The following RBFOX1 variants were observed in gnomAD, a reference collection of about 807,000 sequenced individuals.
The protein encoded by RBFOX1 is RNA binding fox-1 homolog 1.
In RBFOX1, 8 loss-of-function variants were observed where a neutral mutation model predicts 57.7. The observed-to-expected ratio is 0.14, with a 90% CI of 0.08 to 0.25. The LOEUF (loss-of-function observed/expected upper bound fraction) is 0.25, where lower values mean the gene tolerates loss of function less well. RBFOX1 is among the 10% of genes least tolerant of loss of function. The pLI, the probability that RBFOX1 is intolerant of heterozygous loss-of-function variation, is 1.00. For missense variants in RBFOX1, 611 were observed against 548.5 expected, an observed-to-expected ratio of 1.11 and a Z score of -1.14; for synonymous variants, 326 against 222.4, an observed-to-expected ratio of 1.47 and a Z score of -4.15.
intron 3 of RBFOX1, among the ~76,000 whole-genome samples, chr16:5,802,680 C>T (rs763456309): frequency 6.6e-6 from 1 of 152,286 alleles, no homozygotes; most frequent in African/African-American, 2.4e-5. Flanking sequence ...GGGAAGAACA[C>T]GATAGCTTGT....
In RBFOX1 at chr16:5,577,108, C is replaced by T. The variant is rs76537563; in HGVS notation, c.259-21794C>T. The stretch of plus-strand genomic sequence containing the variant: ...GTCAGGACATTTTCCAAGTTGGTCT[C>T]TCTCTCTTAATGGACTATCCCTCGG... On this transcript the variant is annotated intron_variant, in intron 2 of 2. Coordinates refer to the RBFOX1 transcript ENST00000585867. Among the ~76,000 whole-genome samples the T allele has an allele frequency of 4.4e-3, 668 of 152,354 alleles. 3 individuals carry two copies. The highest frequency in any genetic ancestry group is 0.015 in the African/African-American group (611 of 41,580).
At chr16:5,990,167 T>A (rs1262136222) in intron 4 of RBFOX1, among the ~76,000 whole-genome samples, 3 of 152,150 alleles carry the variant, frequency 2.0e-5, no homozygotes, top group Non-Finnish European at 4.4e-5. Context: ...TTACCTTTTT[T>A]TGTGGAGATA....
At chr16:6,551,115 G>T (rs900757834) in intron 2 of RBFOX1, among the ~76,000 whole-genome samples, 1 of 152,158 alleles carries the variant, frequency 6.6e-6, no homozygotes, top group African/African-American at 2.4e-5. Flanking sequence ...TTGGGTTACA[G>T]AGCTCAACTC....
intron 1 of RBFOX1, among the ~76,000 whole-genome samples, chr16:5,465,198 C>T (rs763742001): frequency 6.6e-6 from 1 of 152,172 alleles, no homozygotes; most frequent in Non-Finnish European, 1.5e-5. Flanking sequence ...TTGGTTTCTT[C>T]TGAGGCCCCT....
intron 2 of RBFOX1, among the ~76,000 whole-genome samples, chr16:6,619,671 C>G (rs535078986): frequency 7.0e-6 from 1 of 143,320 alleles, no homozygotes; most frequent in Admixed American, 7.0e-5. Flanking sequence ...AAACTGCTTT[C>G]ATCTTTGTTG....
chr16:7,345,490 G>C lies in RBFOX1; in HGVS notation c.28-172657G>C, dbSNP rs189636167. ...GGTTTTGTTTCACACCTGGTGTTTT[G>C]GCAGACAGTTCCCACTGTGACTTAG... On this transcript the variant is annotated intron_variant, in intron 4 of 15. Transcript: ENST00000550418. Among the ~76,000 whole-genome samples, 505 of 152,244 alleles carry C rather than the reference G, an allele frequency of 3.3e-3. 3 individuals carry two copies. Among genetic ancestry groups the C allele is most frequent in the African/African-American group, 0.011 (467 of 41,552 alleles).
intron 2 of RBFOX1, among the ~76,000 whole-genome samples, chr16:6,444,765 A>G (rs1276297720): frequency 6.6e-6 from 1 of 152,182 alleles, no homozygotes; most frequent in Non-Finnish European, 1.5e-5. Context: ...AAAGAAAGGT[A>G]TAGGGAGGCA....
chr16:7,264,120 C>CTT (rs1033778108), intron 4 of RBFOX1, among the ~76,000 whole-genome samples: 1 of 152,106 alleles, frequency 6.6e-6, no homozygotes, highest in African/African-American at 2.4e-5. Context: ...TGACTACCCT[C>CTT]TTTGTAGCAA....
chr16:6,241,587 A>G (rs933626994), intron 1 of RBFOX1, among the ~76,000 whole-genome samples: 4 of 152,216 alleles, frequency 2.6e-5, no homozygotes, highest in Non-Finnish European at 4.4e-5. Context: ...CCTGAAATGA[A>G]CAGCCTGTGA....
chr16:6,486,234 CTTTGA>C (rs2095479861), intron 2 of RBFOX1, among the ~76,000 whole-genome samples: 1 of 151,488 alleles, frequency 6.6e-6, no homozygotes. Context: ...TCATTGTTGT[CTTTGA>C]TTTGATTATA....
chr16:7,669,695 C>G lies in RBFOX1; in HGVS notation c.930+4727C>G, dbSNP rs189238768. The stretch of plus-strand genomic sequence containing the variant: ...ACTCTGCCACCCATATGTTTTAAAA[C>G]AAAGAGGTATCCTCATTTCACTGAT... On this transcript the variant is annotated intron_variant, in intron 13 of 15. Coordinates refer to ENST00000550418, the MANE Select transcript of RBFOX1 (RefSeq NM_018723.4). Among the ~76,000 whole-genome samples the G allele has an allele frequency of 5.8e-4, 88 of 152,288 alleles. 1 individual carries two copies. The highest frequency in any genetic ancestry group is 1.1e-3 in the Non-Finnish European group (72 of 68,022).
intron 2 of RBFOX1, among the ~76,000 whole-genome samples, chr16:5,518,481 T>C (rs978424082): frequency 6.6e-6 from 1 of 152,224 alleles, no homozygotes; most frequent in South Asian, 2.1e-4. Context: ...TACAACCATA[T>C]GTGCTCAAGC....
chr16:6,575,276 G>C (rs2097415383), intron 2 of RBFOX1, among the ~76,000 whole-genome samples: 1 of 152,140 alleles, frequency 6.6e-6, no homozygotes, highest in Non-Finnish European at 1.5e-5. Flanking sequence ...TGATGTGCTT[G>C]ATTAAGCCTA....
chr16:6,493,659 T>C (rs1335723699), intron 2 of RBFOX1, among the ~76,000 whole-genome samples: 5 of 152,214 alleles, frequency 3.3e-5, no homozygotes. Context: ...TTCAATTTGC[T>C]GTAAGGGCAG....
intron 3 of RBFOX1, among the ~76,000 whole-genome samples, chr16:5,813,749 G>T (rs560186587): frequency 1.1e-3 from 160 of 152,330 alleles, no homozygotes; most frequent in African/African-American, 3.7e-3. Context: ...ACTGGCATCA[G>T]CACGTGCTTA....
At chr16:7,448,515 A>T (rs570222046) in intron 4 of RBFOX1, among the ~76,000 whole-genome samples, 14 of 152,320 alleles carry the variant, frequency 9.2e-5, no homozygotes, top group Admixed American at 7.8e-4. Context: ...CTAACTGACT[A>T]TGGTGAGAAC....
chr16:5,681,778 T>C (rs866421258), intron 3 of RBFOX1, among the ~76,000 whole-genome samples: 2 of 152,078 alleles, frequency 1.3e-5, no homozygotes, highest in Non-Finnish European at 2.9e-5. Flanking sequence ...TTTAACAACA[T>C]GTGCAAAGGC....
intron 1 of RBFOX1, among the ~76,000 whole-genome samples, chr16:6,050,751 T>TATACAGGAA (rs1195846595): frequency 6.6e-6 from 1 of 152,028 alleles, no homozygotes; most frequent in Non-Finnish European, 1.5e-5. Flanking sequence ...GGGTATAGTT[T>TATACAGGAA]ATACAGGAAA....
intron 2 of RBFOX1, among the ~76,000 whole-genome samples, chr16:6,392,497 A>G (rs9934386): frequency 0.018 from 2,728 of 152,270 alleles, 83 homozygotes; most frequent in African/African-American, 0.062. Context: ...TGTAAAAGAG[A>G]TTGTAAGGGA....
Sources: allele counts gnomAD v4.1 joint callset (sites outside exome capture counted in the v4.1 genomes callset), GRCh38; gene constraint gnomAD v4.1.1; transcripts MANE v1.5; gene names NCBI Gene and HGNC (gene_info 2026-07-23, HGNC 2026-07-21).